Variants in UTRN observed in about 807,000 individuals in gnomAD.
UTRN encodes dystrophin-related protein 1.
UTRN carries 283 observed loss-of-function variants against 463.9 expected under a neutral mutation model. The ratio of observed to expected loss-of-function variants is 0.61; its 90% CI spans 0.55 to 0.67. The LOEUF is 0.67. UTRN is among the 30% of genes least tolerant of loss of function. The probability of loss-of-function intolerance (pLI) is 0.00; values close to 1 mark genes in which losing one functional copy is unlikely to be tolerated. For missense variants in UTRN, 3,922 were observed against 4,084.3 expected, an observed-to-expected ratio of 0.96 and a Z score of 1.08; for synonymous variants, 1,442 against 1,431.5, an observed-to-expected ratio of 1.01 and a Z score of -0.17.
intron 48 of UTRN, among the ~76,000 whole-genome samples, chr6:144,554,012 GA>G (rs1408787900): frequency 1.3e-5 from 2 of 151,724 alleles, no homozygotes; most frequent in Non-Finnish European, 2.9e-5. Flanking sequence ...AGGAGAAATA[GA>G]AAGAGAGAGA....
chr6:144,315,689 T>C (rs1562241124), intron 2 of UTRN, among the ~76,000 whole-genome samples: 1 of 152,238 alleles, frequency 6.6e-6, no homozygotes, highest in Non-Finnish European at 1.5e-5. Context: ...AAAGGTGTTC[T>C]TTCCTCCGTG....
At chr6:144,451,099 G>A (rs543615124) in intron 17 of UTRN, among the ~76,000 whole-genome samples, 129 of 151,998 alleles carry the variant, frequency 8.5e-4, no homozygotes, top group African/African-American at 2.7e-3. Context: ...GTGACAGGGC[G>A]AGACTCCATC....
chr6:144,658,779 A>G (rs1292374841), intron 51 of UTRN, among the ~76,000 whole-genome samples: 1 of 152,248 alleles, frequency 6.6e-6, no homozygotes, highest in African/African-American at 2.4e-5. Flanking sequence ...TGATATCCAT[A>G]ATATCACTAC....
At chr6:144,317,264 T>C (rs1043358081) in intron 2 of UTRN, among the ~76,000 whole-genome samples, 3 of 152,142 alleles carry the variant, frequency 2.0e-5, no homozygotes, top group Non-Finnish European at 4.4e-5. Flanking sequence ...TGAATAGAAC[T>C]CTCATTTGTG....
rs749740367 is a variant in UTRN at position 144,458,975 on chromosome 6, C to T, written c.2490C>T (p.Ser830=). ...AACACACTTCCATTTCTGAATCTTC[C>T]CGGCAGTCCTTGCCAAGCTTGAAGG... ...WVKHTSISES[S]RQSLPSLKDS... Residue 830 remains serine (S), a synonymous_variant, in exon 20 of 75, where the codon TCC becomes TCT. Coordinates refer to ENST00000367545, the MANE Select transcript of UTRN (RefSeq NM_007124.3). 1 of 1,609,396 alleles carries T rather than the reference C, an allele frequency of 6.2e-7. No individual in the cohort carries two copies. Among genetic ancestry groups the T allele is most frequent in the South Asian group, 1.1e-5 (1 of 89,756 alleles).
At chr6:144,331,847 G>A (rs1034737195) in intron 2 of UTRN, among the ~76,000 whole-genome samples, 1 of 152,222 alleles carries the variant, frequency 6.6e-6, no homozygotes, top group African/African-American at 2.4e-5. Flanking sequence ...AAGTGGTAGA[G>A]AGGAATGTGG....
intron 50 of UTRN, among the ~76,000 whole-genome samples, chr6:144,565,388 G>T (rs1373429187): frequency 6.6e-6 from 1 of 152,210 alleles, no homozygotes; most frequent in Non-Finnish European, 1.5e-5. Flanking sequence ...GATATGAATT[G>T]AGAGTTCTCA....
chr6:144,317,059 A>G (rs952134104), intron 2 of UTRN, among the ~76,000 whole-genome samples: 1 of 152,348 alleles, frequency 6.6e-6, no homozygotes, highest in African/African-American at 2.4e-5. Context: ...TCAAAGTGTC[A>G]TATTAGACAA....
At position 144,832,088 on chromosome 6, in the gene UTRN, A is replaced by C. The variant is rs56402236; in HGVS notation, c.9665+3233A>C. ...CTTGGTGCAAACCTATTATTTTTGC[A>C]ACATTTTCTATTTTAGCCCAAGACA... On this transcript the variant is annotated intron_variant, in intron 69 of 74. Coordinates refer to ENST00000367545, the MANE Select transcript of UTRN (RefSeq NM_007124.3). Among the ~76,000 whole-genome samples the C allele has an allele frequency of 6.7e-3, 1,024 of 152,316 alleles. 6 individuals carry two copies. Among genetic ancestry groups the C allele is most frequent in the South Asian group, 0.012 (60 of 4,822 alleles).
At chr6:144,407,664 G>C (rs1180089458) in intron 3 of UTRN, among the ~76,000 whole-genome samples, 1 of 152,060 alleles carries the variant, frequency 6.6e-6, no homozygotes, top group East Asian at 1.9e-4. Context: ...TCTTGATAAG[G>C]GATTTGGTAA....
At chr6:144,423,527 G>C in intron 4 of UTRN, 22 bp from the exon 5 acceptor site, 2 of 1,612,424 alleles carry the variant, frequency 1.2e-6, no homozygotes, top group Non-Finnish European at 1.7e-6. Context: ...AGTTTTACTT[G>C]CTTTTTTGTT....
intron 52 of UTRN, among the ~76,000 whole-genome samples, chr6:144,687,192 G>A (rs1406903895): frequency 1.3e-5 from 2 of 151,998 alleles, no homozygotes; most frequent in Admixed American, 1.3e-4. Flanking sequence ...TTTTGTTGAG[G>A]ATTTTTGCAT....
chr6:144,520,300 A>G (rs1174731594), intron 39 of UTRN, among the ~76,000 whole-genome samples: 1 of 152,226 alleles, frequency 6.6e-6, no homozygotes, highest in Non-Finnish European at 1.5e-5. Context: ...TGAAAATCCA[A>G]AAGAATTATT....
At chr6:144,535,230 G>C (rs1797422579) in intron 43 of UTRN, among the ~76,000 whole-genome samples, 1 of 152,130 alleles carries the variant, frequency 6.6e-6, no homozygotes. Flanking sequence ...ACAGGTGCCT[G>C]TCACCATGCC....
At chr6:144,485,758 G>A (rs1792379910) in intron 28 of UTRN, among the ~76,000 whole-genome samples, 1 of 152,188 alleles carries the variant, frequency 6.6e-6, no homozygotes, top group Non-Finnish European at 1.5e-5. Context: ...TTACATTTTA[G>A]ACATGTTGAA....
Position 144,537,662 on chromosome 6 carries a change from A to G in UTRN, c.6314A>G (p.His2105Arg), listed in dbSNP as rs889909324. 2 of 1,612,512 alleles carry G rather than the reference A, an allele frequency of 1.2e-6. No homozygotes were observed. Among genetic ancestry groups the G allele is most frequent in the Non-Finnish European group, 8.5e-7 (1 of 1,179,368 alleles). ...ATCTGTTGGTTAACAAAGGCTGAGC[A>G]TGCTATGCAAAAGAGATCAACCACC... is the stretch of plus-strand genomic sequence containing the variant. The part of the protein sequence containing the change: ...EIICWLTKAE[H>R]AMQKRSTTEL... The change falls in exon 44 of 75, where the codon CAT becomes CGT. Residue 2105 changes from histidine to arginine, a missense_variant. Physicochemically the swap from His to Arg is conservative, Grantham distance 29. This residue lies in a region of UTRN where 2,349 missense variants were observed against 2,303.8 expected (regional missense o/e 1.02). Coordinates refer to ENST00000367545, the MANE Select transcript of UTRN (RefSeq NM_007124.3).
At chr6:144,324,347 A>G (rs1163615838) in intron 2 of UTRN, among the ~76,000 whole-genome samples, 4 of 152,208 alleles carry the variant, frequency 2.6e-5, no homozygotes, top group Non-Finnish European at 5.9e-5. Flanking sequence ...TACCAAGTCT[A>G]AAGTAAAATT....
intron 12 of UTRN, among the ~76,000 whole-genome samples, chr6:144,439,294 T>C (rs1786894746): frequency 6.6e-6 from 1 of 152,136 alleles, no homozygotes; most frequent in African/African-American, 2.4e-5. Context: ...GCAATTTAAT[T>C]TGGTCACAAG....
rs1035497592 is a variant in UTRN, at chr6:144,379,707, C to T, written c.80-23416C>T. On this transcript the variant is annotated intron_variant, in intron 2 of 74. Transcript: ENST00000367545. Reference sequence around the variant, plus strand: ...GAATTAAGCCCCCCGCTTGAATAGACAGCCACCAAATAATTTCTGAATGTA... The same window carrying T: ...GAATTAAGCCCCCCGCTTGAATAGATAGCCACCAAATAATTTCTGAATGTA... Among the ~76,000 whole-genome samples the T allele has an allele frequency of 2.6e-5, 4 of 152,250 alleles. No homozygotes were observed. In the East Asian group the frequency reaches 5.8e-4, roughly 22 times the overall value.
Sources: allele counts gnomAD v4.1 joint callset (sites outside exome capture counted in the v4.1 genomes callset), GRCh38; gene constraint gnomAD v4.1.1; regional missense constraint gnomAD v4.1.1; transcripts MANE v1.5; gene names NCBI Gene and HGNC (gene_info 2026-07-23, HGNC 2026-07-21).